BRDT: variants seen among roughly 807,000 people sequenced by gnomAD.
The protein encoded by BRDT is bromodomain testis associated.
Under a neutral mutation model 113.9 loss-of-function variants are expected in BRDT, and 77 were observed. The ratio of observed to expected loss-of-function variants is 0.68; its 90% confidence interval spans 0.56 to 0.82. BRDT has a LOEUF of 0.82. BRDT is among the 40% of genes least tolerant of loss of function. The probability of loss-of-function intolerance (pLI) is 0.00; values close to 1 mark genes in which losing one functional copy is unlikely to be tolerated. For missense variants in BRDT, 1,027 were observed against 1,105.4 expected (o/e 0.93, Z 1.01); for synonymous variants, 358 against 366.5 (o/e 0.98, Z 0.26).
At chr1:91,951,440 T>C (rs72716500) in intron 1 of BRDT, among the ~76,000 whole-genome samples, 6,936 of 151,444 alleles carry the variant, frequency 0.046, 258 homozygotes, top group Non-Finnish European at 0.065. Context: ...TTGAAGTGGC[T>C]GAGATTGGCA....
chr1:91,996,008 A>C (rs576268063), intron 15 of BRDT, among the ~76,000 whole-genome samples: 1 of 152,320 alleles, frequency 6.6e-6, no homozygotes, highest in Admixed American at 6.5e-5. Flanking sequence ...ACTGGAGGGC[A>C]TTCCAGGAAG....
intron 12 of BRDT, among the ~76,000 whole-genome samples, chr1:91,985,717 C>G (rs1451706978): frequency 7.1e-6 from 1 of 141,114 alleles, no homozygotes; most frequent in Non-Finnish European, 1.5e-5. Context: ...GGGCTTACTG[C>G]AAGCTCCGCC....
At chr1:91,985,503 T>C (rs1221333698) in intron 12 of BRDT, among the ~76,000 whole-genome samples, 1 of 151,956 alleles carries the variant, frequency 6.6e-6, no homozygotes, top group Non-Finnish European at 1.5e-5. Context: ...TCTTTAGTAA[T>C]TTTTTCTTAA....
chr1:91,993,809 A>T (rs1686019649), intron 14 of BRDT, among the ~76,000 whole-genome samples: 2 of 152,204 alleles, frequency 1.3e-5, no homozygotes, highest in African/African-American at 2.4e-5. Flanking sequence ...CTCATGTAAA[A>T]TATACATGCA....
intron 1 of BRDT, among the ~76,000 whole-genome samples, chr1:91,961,076 C>T (rs921370485): frequency 3.9e-5 from 6 of 151,996 alleles, no homozygotes; most frequent in Admixed American, 1.3e-4. Flanking sequence ...TTTGGGAGGT[C>T]GAGGAGGGTG....
chr1:92,009,637 C>G (rs1478020045), intron 18 of BRDT, among the ~76,000 whole-genome samples: 1 of 143,528 alleles, frequency 7.0e-6, no homozygotes, highest in African/African-American at 2.6e-5. Flanking sequence ...GCAGGCTTGA[C>G]CTCCCAGGCT....
intron 1 of BRDT, among the ~76,000 whole-genome samples, chr1:91,951,438 G>C (rs72716499): frequency 9.9e-4 from 151 of 152,062 alleles, no homozygotes; most frequent in Non-Finnish European, 1.1e-3. Flanking sequence ...CTTTGAAGTG[G>C]CTGAGATTGG....
At chr1:91,996,155 T>G (rs1455092294) in intron 15 of BRDT, among the ~76,000 whole-genome samples, 1 of 152,208 alleles carries the variant, frequency 6.6e-6, no homozygotes, top group African/African-American at 2.4e-5. Flanking sequence ...GTGCCATTAA[T>G]TTGTATACAA....
chr1:92,014,404 A>G lies in BRDT; in HGVS notation c.*130A>G. 1 of 562,216 alleles carries G rather than the reference A, an allele frequency of 1.8e-6. No homozygotes were observed. Among genetic ancestry groups the G allele is most frequent in the East Asian group, 3.5e-5 (1 of 28,710 alleles). 34.8% of individuals were successfully genotyped at this position (562,216 alleles called of 1,614,324 possible). ...GTATTTTGACTGCTCTAAAATGATT[A>G]AACAGTTTTCACTTACATTTTTAAT... On this transcript the variant is annotated 3_prime_UTR_variant, in exon 19 of 19. Coordinates refer to ENST00000399546, the MANE Select transcript of BRDT (RefSeq NM_207189.4).
In BRDT at chr1:91,974,665, C is replaced by T. The variant is rs967609340; in HGVS notation, c.446-1601C>T. On this transcript the variant is annotated intron_variant, in intron 4 of 18. Transcript: ENST00000399546. ...TGGAGAGGATGTGGAGAAATAGGAA[C>T]ACTTTTACACTGTTGGTGGGACTGT... Among the ~76,000 whole-genome samples the T allele has an allele frequency of 3.9e-5, 6 of 152,140 alleles. No individual in the cohort carries two copies. The East Asian group carries it at 9.7e-4, about 25-fold the overall frequency.
At chr1:91,970,968 A>G (rs1026557293) in intron 4 of BRDT, among the ~76,000 whole-genome samples, 6 of 152,032 alleles carry the variant, frequency 3.9e-5, no homozygotes, top group African/African-American at 1.4e-4. Flanking sequence ...GTAATTTACA[A>G]AGAAAAGAGG....
chr1:91,978,519 C>T (rs1684371197), intron 7 of BRDT, among the ~76,000 whole-genome samples: 1 of 152,148 alleles, frequency 6.6e-6, no homozygotes, highest in African/African-American at 2.4e-5. Context: ...TGAGTTCTTG[C>T]ATCCTTTAGT....
chr1:91,977,863 C>A (rs1001123846), intron 6 of BRDT, among the ~76,000 whole-genome samples: 2 of 151,900 alleles, frequency 1.3e-5, no homozygotes, highest in African/African-American at 4.8e-5. Context: ...GAGGGAAACT[C>A]TGTCTCAAAA....
In BRDT at chr1:91,981,142, T is replaced by A; in HGVS notation, c.1714T>A (p.Ser572Thr). ...ACTAAGAGAATTAGAAAAATATGTT[T>A]CGGCATGTCTAAGAAAGAGACCATT... ...STLRELEKYV[S>T]ACLRKRPLKP... is the part of the protein sequence containing the mutation. The change falls in exon 10 of 19, where the codon TCG (serine) becomes ACG (threonine). Residue 572 changes from serine (S) to threonine (T), a missense_variant. Coordinates refer to ENST00000399546, the MANE Select transcript of BRDT (RefSeq NM_207189.4). 6.2e-7 allele frequency: 1 copy of A among 1,612,762 alleles called. No homozygotes were observed. Among genetic ancestry groups the A allele is most frequent in the Non-Finnish European group, 8.5e-7 (1 of 1,179,724 alleles).
chr1:91,997,640 C>G (rs1242274962), intron 15 of BRDT, among the ~76,000 whole-genome samples: 2 of 152,096 alleles, frequency 1.3e-5, no homozygotes, highest in Non-Finnish European at 2.9e-5. Flanking sequence ...CTTTTAATAC[C>G]TACACCTTCA....
intron 12 of BRDT, among the ~76,000 whole-genome samples, chr1:91,986,007 G>C (rs1276096171): frequency 6.6e-6 from 1 of 152,172 alleles, no homozygotes; most frequent in Non-Finnish European, 1.5e-5. Flanking sequence ...ATGTGATTTG[G>C]TTTTATTTAT....
In BRDT at chr1:91,964,722, A is replaced by G. The variant is rs368196521; in HGVS notation, c.288A>G (p.Glu96=). The change falls in exon 3 of 19, where the codon GAA becomes GAG. Residue 96 remains glutamate, a synonymous_variant. Coordinates refer to ENST00000399546, the MANE Select transcript of BRDT (RefSeq NM_207189.4). ...KYYAKASECI[E]DFNTMFSNCY... ...ATGCGAAGGCTTCAGAATGTATAGA[A>G]GACTTCAATACAATGTTCTCAAATT... is the stretch of plus-strand genomic sequence containing the variant. The G allele has an allele frequency of 4.5e-5, 68 of 1,513,460 alleles. No homozygotes were observed. The highest frequency in any genetic ancestry group is 1.4e-5 in the African/African-American group (1 of 72,984). The allele number at this position is 1,513,460 out of a possible 1,614,324, so 93.8% of individuals were successfully genotyped here. A position where few individuals can be genotyped will look rare whatever the true frequency, so the allele number is the denominator to read the frequency against.
Position 91,981,748 on chromosome 1 carries a change from T to G in BRDT, c.1995T>G (p.Ser665=). 1.2e-6 allele frequency: 2 copies of G among 1,613,314 alleles called. No individual in the cohort carries two copies. Among genetic ancestry groups the G allele is most frequent in the Non-Finnish European group, 1.7e-6 (2 of 1,179,586 alleles). The change falls in exon 12 of 19, where the codon TCT becomes TCG. Residue 665 remains serine (S), a synonymous_variant. Coordinates refer to ENST00000399546, the MANE Select transcript of BRDT (RefSeq NM_207189.4). ...SDLSSSDSSD[S]ESEMFPKFTE... is the part of the protein sequence containing the mutation. ...TAAGCTCTTCAGACAGCAGTGATTC[T>G]GAATCAGGTTAGCTGTCCCCTTAAA... is the stretch of plus-strand genomic sequence containing the variant.
At position 91,980,717 on chromosome 1, in the gene BRDT, G is replaced by T. The variant is rs755562427; in HGVS notation, c.1362G>T (p.Lys454Asn). Residue 454 changes from lysine to asparagine, a missense_variant, in exon 9 of 19, where the codon AAG becomes AAT. Lys to Asn is a moderately conservative substitution (Grantham distance 94, BLOSUM62 0). Coordinates refer to ENST00000399546, the MANE Select transcript of BRDT (RefSeq NM_207189.4). The part of the protein sequence containing the change: ...PFRKLNKKKE[K>N]SKKEKKKEKV... ...GTAAGCTAAATAAAAAGAAAGAGAA[G>T]TCTAAAAAGGAAAAGAAAAAAGAAA... is the stretch of plus-strand genomic sequence containing the variant. 1 of 1,607,148 alleles carries T rather than the reference G, an allele frequency of 6.2e-7. No homozygotes were observed. The highest frequency in any genetic ancestry group is 8.5e-7 in the Non-Finnish European group (1 of 1,178,542).
Sources: gnomAD v4.1 joint callset for allele counts (sites outside exome capture counted in the v4.1 genomes callset) on GRCh38, gnomAD v4.1.1 for gene constraint, MANE v1.5 for transcripts, NCBI Gene and HGNC (gene_info 2026-07-23, HGNC 2026-07-21) for gene names.